Variants in SBNO2 observed in about 807,000 individuals in gnomAD.
SBNO2 encodes the protein protein strawberry notch homolog 2.
A neutral mutation model predicts 146.3 loss-of-function variants in SBNO2; 89 were observed. The observed-to-expected ratio is 0.61, with a 90% CI of 0.51 to 0.73. The LOEUF (loss-of-function observed/expected upper bound fraction) is 0.73. Among genes scored for constraint, SBNO2 ranks in the 30% least tolerant of loss-of-function variants. The pLI is 0.00. For missense variants in SBNO2, 2,092 were observed against 2,003.7 expected (o/e 1.04, Z -0.84); for synonymous variants, 1,147 against 892.6 (o/e 1.29, Z -5.08).
At chr19:1,161,910 G>GGA (rs1555728219) in intron 1 of SBNO2, among the ~76,000 whole-genome samples, 1 of 98,188 alleles carries the variant, frequency 1.0e-5, no homozygotes, top group African/African-American at 4.2e-5. Context: ...GAGCCGCGGG[G>GGA]GGGGGGGGGG....
chr19:1,119,515 C>A lies in SBNO2; in HGVS notation c.1373+1G>T, dbSNP rs761310782. ...TCCACGTGGGTGAGAAGGGCACTCA[C>A]CTCTTCTCGATGGCGTGCAGGAACT... On this transcript the variant is annotated splice_donor_variant, in intron 13 of 31. Coordinates refer to ENST00000361757, the MANE Select transcript of SBNO2 (RefSeq NM_014963.3). LOFTEE classifies it high-confidence loss of function. The A allele has an allele frequency of 6.3e-7, 1 of 1,596,020 alleles. No individual in the cohort carries two copies. Among genetic ancestry groups the A allele is most frequent in the Non-Finnish European group, 8.6e-7 (1 of 1,169,074 alleles).
At chr19:1,113,468 C>G in intron 19 of SBNO2, 67 bp downstream of exon 19, 2 of 1,359,876 alleles carry the variant, frequency 1.5e-6, no homozygotes, top group Non-Finnish European at 2.0e-6. Flanking sequence ...CTGCACACAG[C>G]CTGCGTGAAG....
In SBNO2 at chr19:1,163,291, G is replaced by A. The variant is rs115744740; in HGVS notation, c.-126-8889C>T. Among the ~76,000 whole-genome samples, 483 of 152,324 alleles carry A rather than the reference G, an allele frequency of 3.2e-3. 5 individuals are homozygous for A. The highest frequency in any genetic ancestry group is 0.011 in the African/African-American group (437 of 41,554). On this transcript the variant is annotated intron_variant, in intron 1 of 31. Transcript: ENST00000361757. ...GACACCCACACATCGGGAGACGGCC[G>A]CATGGAGACGGAGCAGAGGCTGGAG...
At chr19:1,151,821 C>T (rs572851943) in intron 2 of SBNO2, among the ~76,000 whole-genome samples, 1 of 152,326 alleles carries the variant, frequency 6.6e-6, no homozygotes, top group East Asian at 1.9e-4. Flanking sequence ...CGCCACCACG[C>T]CCAGCTAACT....
chr19:1,122,631 C>CGCCCCCT lies in SBNO2; in HGVS notation c.914+20_914+26dup, dbSNP rs2079916328. 4.6e-6 allele frequency: 7 copies of CGCCCCCT among 1,520,682 alleles called. No homozygotes were observed. The Admixed American group carries it at 1.4e-4, about 30-fold the overall frequency. 94.2% of individuals were successfully genotyped at this position (1,520,682 alleles called of 1,614,324 possible). On this transcript the variant is annotated intron_variant, in intron 9 of 31. Transcript: ENST00000361757. ...CGCTTCCGCCCCCCACCCCCGCTCCCGCCCCCTGCCCCAGGCAGGGCCTCA... is the reference window on the plus strand; with the variant it reads ...CGCTTCCGCCCCCCACCCCCGCTCCCGCCCCCTGCCCCCTGCCCCAGGCAGGGCCTCA...
chr19:1,161,737 C>A (rs1312705549), intron 1 of SBNO2, among the ~76,000 whole-genome samples: 1 of 151,980 alleles, frequency 6.6e-6, no homozygotes, highest in African/African-American at 2.4e-5. Flanking sequence ...AAGTCTGCTG[C>A]CAAGGTTATC....
rs1326491307 is a variant in SBNO2 at position 1,112,978 on chromosome 19, C to T, written c.2248-29G>A. 2.6e-6 allele frequency: 4 copies of T among 1,540,332 alleles called. No individual in the cohort carries two copies. The highest frequency in any genetic ancestry group is 2.6e-6 in the Non-Finnish European group (3 of 1,142,626). On this transcript the variant is annotated intron_variant, in intron 19 of 31. Transcript: ENST00000361757. The surrounding 1 kb of genome is among the most constrained non-coding windows in gnomAD (Gnocchi z 5.9). Reference sequence around the variant, plus strand: ...CAGCCGAGACAGGGACAAAACCGGCCGTCAGTGTTGTGGCCTCGCAGGAGT... The same window carrying T: ...CAGCCGAGACAGGGACAAAACCGGCTGTCAGTGTTGTGGCCTCGCAGGAGT...
At position 1,156,156 on chromosome 19, in the gene SBNO2, G is replaced by A. The variant is rs567479835; in HGVS notation, c.-126-1754C>T. Among the ~76,000 whole-genome samples the A allele has an allele frequency of 2.8e-3, 421 of 152,192 alleles. 2 individuals are homozygous for A. The highest frequency in any genetic ancestry group is 4.0e-3 in the Non-Finnish European group (270 of 67,990). On this transcript the variant is annotated intron_variant, in intron 1 of 31. Coordinates refer to ENST00000361757, the MANE Select transcript of SBNO2 (RefSeq NM_014963.3). ...AGGGGCCCTGAGCTCGCCTGTGTCC[G>A]AGTCCCCTAGGCCAGCACGGTGCTC...
chr19:1,123,404 G>T (rs185578061), intron 7 of SBNO2, 130 bp downstream of exon 7: 1 of 776,278 alleles, frequency 1.3e-6, no homozygotes. Flanking sequence ...ACCTGTCCCC[G>T]GGCTCTCCGG....
chr19:1,123,595 C>T lies in SBNO2; in HGVS notation c.567G>A (p.Glu189=), dbSNP rs773267904. The stretch of plus-strand genomic sequence containing the variant: ...GCCCCAGCTCCTCCGCCTCCTCCTC[C>T]TCAGCCTCGTCCTCCTCCTCTGGCT... ...QSQPEEEDEA[E]EEEAEELGHT... is the part of the protein sequence containing the mutation. The change falls in exon 7 of 32, where the codon GAG becomes GAA. Residue 189 remains glutamate, a synonymous_variant. Coordinates refer to ENST00000361757, the MANE Select transcript of SBNO2 (RefSeq NM_014963.3). The T allele has an allele frequency of 6.2e-7, 1 of 1,613,520 alleles. No individual in the cohort carries two copies. Among genetic ancestry groups the T allele is most frequent in the South Asian group, 1.1e-5 (1 of 91,058 alleles).
chr19:1,119,740 A>G (rs2079877518), intron 12 of SBNO2, 119 bp from the exon 13 acceptor site: 3 of 1,017,716 alleles, frequency 2.9e-6, no homozygotes, highest in Non-Finnish European at 4.4e-6. Flanking sequence ...CATGGGCCTG[A>G]AGAGAGCCAG....
chr19:1,149,539 G>A (rs1334622099), intron 2 of SBNO2, 97 bp from the exon 3 acceptor site: 3 of 1,149,090 alleles, frequency 2.6e-6, no homozygotes, highest in Non-Finnish European at 3.8e-6. Context: ...GAGAGGCTAG[G>A]GAGGCCCCGC....
In SBNO2 at chr19:1,140,174, C is replaced by T. The variant is rs1174491751; in HGVS notation, c.279+7135G>A. On this transcript the variant is annotated intron_variant, in intron 4 of 31. Transcript: ENST00000361757. This position sits in a 1 kb window ranked among gnomAD's most constrained non-coding sequence, Gnocchi z 4.4. ...AATTAGCTGGGCGTGGTGGTGGGCA[C>T]CTGTAGTCCCAGCTACTCGGGAGGC... is the stretch of plus-strand genomic sequence containing the variant. Among the ~76,000 whole-genome samples the T allele has an allele frequency of 6.6e-6, 1 of 151,204 alleles. No individual in the cohort carries two copies. Among genetic ancestry groups the T allele is most frequent in the African/African-American group, 2.4e-5 (1 of 41,122 alleles).
At chr19:1,141,606 C>A (rs2080137806) in intron 4 of SBNO2, among the ~76,000 whole-genome samples, 1 of 151,814 alleles carries the variant, frequency 6.6e-6, no homozygotes, top group African/African-American at 2.4e-5. Flanking sequence ...ACACAGTGGG[C>A]CCCTCCACGC....
chr19:1,114,437 A>G lies in SBNO2; in HGVS notation c.1886-15T>C, dbSNP rs768122035. ...CCGAGGTCGCCCTGCAGGGAAGGAC[A>G]GGGTCACCGAGGGCCAGACCGCAGC... On this transcript the variant is annotated splice_polypyrimidine_tract_variant and intron_variant, in intron 17 of 31. Transcript: ENST00000361757. 61 of 1,501,540 alleles carry G rather than the reference A, an allele frequency of 4.1e-5. No individual in the cohort carries two copies. The highest frequency in any genetic ancestry group is 8.5e-5 in the Admixed American group (4 of 46,818). The allele number at this position is 1,501,540 out of a possible 1,614,324, so 93.0% of individuals were successfully genotyped here. A position where few individuals can be genotyped will look rare whatever the true frequency, so the allele number is the denominator to read the frequency against.
At chr19:1,135,359 C>T (rs1000972184) in intron 4 of SBNO2, among the ~76,000 whole-genome samples, 2 of 152,218 alleles carry the variant, frequency 1.3e-5, no homozygotes, top group Admixed American at 6.5e-5. Context: ...AAAATACTGT[C>T]TCAAATAAAT....
At chr19:1,118,972 A>C (rs1166876923) in intron 14 of SBNO2, 39 bp downstream of exon 14, 1 of 1,548,742 alleles carries the variant, frequency 6.5e-7, no homozygotes, top group African/African-American at 1.3e-5. Context: ...TTCACCCGGG[A>C]AACGCACAGG....
Position 1,150,245 on chromosome 19 carries a change from A to G in SBNO2, c.94-803T>C, listed in dbSNP as rs1172527639. Among the ~76,000 whole-genome samples the G allele has an allele frequency of 6.6e-6, 1 of 152,140 alleles. No homozygotes were observed. Among genetic ancestry groups the G allele is most frequent in the Non-Finnish European group, 1.5e-5 (1 of 68,002 alleles). On this transcript the variant is annotated intron_variant, in intron 2 of 31. Coordinates refer to ENST00000361757, the MANE Select transcript of SBNO2 (RefSeq NM_014963.3). The surrounding 1 kb of genome is among the most constrained non-coding windows in gnomAD (Gnocchi z 6.2). ...ATGAGAGCGGCTTGAGGCACACGGC[A>G]GGCCCCAAAACCTGAGGATGGGGAG... is the stretch of plus-strand genomic sequence containing the variant.
At chr19:1,118,883 A>C (rs3826955) in intron 14 of SBNO2, 128 bp downstream of exon 14, 433,459 of 960,056 alleles carry the variant, frequency 0.45, 101,539 homozygotes, top group Admixed American at 0.57. Context: ...AAAACAACAA[A>C]AAAAAAACCC....
Sources: gnomAD v4.1 joint callset for allele counts (sites outside exome capture counted in the v4.1 genomes callset) on GRCh38, gnomAD v4.1.1 for gene constraint, Gnocchi (gnomAD v3.1) non-coding constraint, MANE v1.5 for transcripts, NCBI Gene and HGNC (gene_info 2026-07-23, HGNC 2026-07-21) for gene names.